GNB1: variants seen among roughly 807,000 people sequenced by gnomAD.
GNB1 encodes the protein guanine nucleotide-binding protein G(I)/G(S)/G(T) subunit beta-1.
Under a neutral mutation model 42.9 loss-of-function variants are expected in GNB1, and 2 were observed. That is an observed-to-expected ratio of 0.05 (90% CI 0.02 to 0.15). The LOEUF (loss-of-function observed/expected upper bound fraction) is 0.15, where lower values mean the gene tolerates loss of function less well. Among genes scored for constraint, GNB1 ranks in the 10% least tolerant of loss-of-function variants. GNB1 has a pLI of 1.00. For missense variants in GNB1, 193 were observed against 462.2 expected (o/e 0.42, Z 5.34); for synonymous variants, 183 against 174.7 (o/e 1.05, Z -0.38).
At chr1:1,880,240 G>C (rs946967574) in intron 1 of GNB1, among the ~76,000 whole-genome samples, 3 of 152,136 alleles carry the variant, frequency 2.0e-5, no homozygotes, top group African/African-American at 7.2e-5. Context: ...GCCAAGAACA[G>C]TATTTCTATA....
chr1:1,831,657 C>T (rs1007487997), intron 2 of GNB1, among the ~76,000 whole-genome samples: 1 of 151,968 alleles, frequency 6.6e-6, no homozygotes, highest in African/African-American at 2.4e-5. Context: ...CCATGTTGGC[C>T]AGGCTGGTCT....
intron 1 of GNB1, among the ~76,000 whole-genome samples, chr1:1,843,511 G>A (rs1340641160): frequency 6.6e-6 from 1 of 152,160 alleles, no homozygotes; most frequent in African/African-American, 2.4e-5. Context: ...GCAGGCACAA[G>A]GCACCGCACC....
chr1:1,872,755 A>C (rs1201934204), intron 1 of GNB1, among the ~76,000 whole-genome samples: 1 of 152,128 alleles, frequency 6.6e-6, no homozygotes, highest in African/African-American at 2.4e-5. Context: ...CCACAGGCCC[A>C]AACTTCGCTT....
intron 1 of GNB1, among the ~76,000 whole-genome samples, chr1:1,841,385 G>A (rs1647238370): frequency 6.6e-6 from 1 of 152,072 alleles, no homozygotes; most frequent in Non-Finnish European, 1.5e-5. Context: ...TCACTATGTT[G>A]GCCAGGCTGG....
chr1:1,813,087 T>C (rs1192237135), intron 5 of GNB1, among the ~76,000 whole-genome samples: 3 of 152,272 alleles, frequency 2.0e-5, no homozygotes, highest in South Asian at 4.1e-4. Flanking sequence ...AGAGGTAACA[T>C]ACTGTTTTGT....
intron 5 of GNB1, among the ~76,000 whole-genome samples, chr1:1,807,463 GAAAAAAAAAAAAAA>G (rs533616486): frequency 1.3e-3 from 34 of 25,584 alleles, no homozygotes; most frequent in South Asian, 0.013. Context: ...GATCCTGACT[GAAAAAAAAAAAAAA>G]AAAAAAAAAA....
intron 1 of GNB1, among the ~76,000 whole-genome samples, chr1:1,879,282 CT>C (rs1317205453): frequency 6.6e-6 from 1 of 152,206 alleles, no homozygotes; most frequent in Non-Finnish European, 1.5e-5. Context: ...ACCCCAGGGG[CT>C]TTTGTTTATG....
chr1:1,816,633 ATTTTTATTATCTTTTTT>A (rs1488323470), intron 4 of GNB1, among the ~76,000 whole-genome samples: 1 of 134,060 alleles, frequency 7.5e-6, no homozygotes, highest in Admixed American at 7.8e-5. Flanking sequence ...TTTGGACTTT[ATTTTTATTATCTTTTTT>A]TTTTTTTTTT....
chr1:1,801,248 A>C (rs1200469323), intron 7 of GNB1, among the ~76,000 whole-genome samples: 2 of 152,172 alleles, frequency 1.3e-5, no homozygotes, highest in Non-Finnish European at 1.5e-5. Flanking sequence ...GGCTGATCTC[A>C]AACTCCTGGC....
chr1:1,827,770 T>C (rs1647019512), intron 2 of GNB1, among the ~76,000 whole-genome samples: 2 of 152,196 alleles, frequency 1.3e-5, no homozygotes. Flanking sequence ...TTGGGGGTAG[T>C]TTTATTTCAC....
At chr1:1,798,010 A>C (rs1646569941) in intron 7 of GNB1, among the ~76,000 whole-genome samples, 1 of 152,242 alleles carries the variant, frequency 6.6e-6, no homozygotes, top group South Asian at 2.1e-4. Flanking sequence ...CTGGCGAGGG[A>C]CAGGCTCAGC....
At chr1:1,847,374 T>C (rs1277601195) in intron 1 of GNB1, among the ~76,000 whole-genome samples, 1 of 152,206 alleles carries the variant, frequency 6.6e-6, no homozygotes, top group Non-Finnish European at 1.5e-5. Flanking sequence ...AGTAAGGGAT[T>C]GCCTTTTAAA....
intron 1 of GNB1, among the ~76,000 whole-genome samples, chr1:1,848,768 C>A (rs1028701541): frequency 6.6e-6 from 1 of 152,192 alleles, no homozygotes; most frequent in South Asian, 2.1e-4. Context: ...GACTGCACAG[C>A]AGGTTAGCAC....
At chr1:1,883,375 G>A (rs1649964641) in intron 1 of GNB1, among the ~76,000 whole-genome samples, 1 of 152,030 alleles carries the variant, frequency 6.6e-6, no homozygotes, top group Admixed American at 6.6e-5. Context: ...TAAGTGATAG[G>A]GATTTGCAAA....
At chr1:1,807,172 T>C (rs1300375180) in intron 5 of GNB1, among the ~76,000 whole-genome samples, 2 of 151,840 alleles carry the variant, frequency 1.3e-5, no homozygotes, top group Admixed American at 6.6e-5. Flanking sequence ...TCTGTTTGGT[T>C]TCATTACAAA....
At chr1:1,860,452 AAAAT>A (rs1232159729) in intron 1 of GNB1, among the ~76,000 whole-genome samples, 5 of 152,194 alleles carry the variant, frequency 3.3e-5, no homozygotes, top group Admixed American at 6.5e-5. Flanking sequence ...AATTAGTCAA[AAAAT>A]AAATAAATAA....
At chr1:1,862,795 C>T (rs1328575445) in intron 1 of GNB1, among the ~76,000 whole-genome samples, 1 of 152,090 alleles carries the variant, frequency 6.6e-6, no homozygotes, top group African/African-American at 2.4e-5. Flanking sequence ...CAAATACACC[C>T]AGCAGAAAGG....
chr1:1,854,887 G>A (rs780662310), intron 1 of GNB1, among the ~76,000 whole-genome samples: 5 of 152,308 alleles, frequency 3.3e-5, no homozygotes, highest in African/African-American at 4.8e-5. Context: ...ACATCCGGGC[G>A]TGGTGGCTCA....
chr1:1,839,334 A>G (rs1054365034), intron 1 of GNB1, 96 bp from the exon 2 acceptor site: 2 of 152,208 alleles, frequency 1.3e-5, no homozygotes, highest in Admixed American at 6.5e-5. Flanking sequence ...AACGACACAT[A>G]AATTTGACCC....
Sources: gnomAD v4.1 joint callset for allele counts (sites outside exome capture counted in the v4.1 genomes callset) on GRCh38, gnomAD v4.1.1 for gene constraint, MANE v1.5 for transcripts, NCBI Gene and HGNC (gene_info 2026-07-23, HGNC 2026-07-21) for gene names.